The following SMARCA5 variants were observed in gnomAD, a reference collection of about 807,000 sequenced individuals.
SMARCA5 encodes the protein SNF2 related chromatin remodeling ATPase 5.
Under a neutral mutation model 140.4 loss-of-function variants are expected in SMARCA5, and 18 were observed. The observed-to-expected ratio is 0.13, with a 90% CI of 0.09 to 0.19. The LOEUF is 0.19. SMARCA5 is among the 10% of genes least tolerant of loss of function. The pLI, the probability that SMARCA5 is intolerant of heterozygous loss-of-function variation, is 1.00. For synonymous variants in SMARCA5, 449 were observed against 419.6 expected, an observed-to-expected ratio of 1.07 and a Z score of -0.86; for missense variants, 606 against 1,276.8, an observed-to-expected ratio of 0.47 and a Z score of 8.01.
At chr4:143,526,829 A>T (rs1236775254) in intron 6 of SMARCA5, among the ~76,000 whole-genome samples, 1 of 151,820 alleles carries the variant, frequency 6.6e-6, no homozygotes, top group Non-Finnish European at 1.5e-5. Context: ...GCGCCACTGC[A>T]CTCCAGCCTG....
In SMARCA5 at chr4:143,556,369, TTC is replaced by T. The variant is rs1317081855; in HGVS notation, c.*3187_*3188del. The T allele has an allele frequency of 1.3e-5, 2 of 152,262 alleles. No homozygotes were observed. Among genetic ancestry groups the T allele is most frequent in the African/African-American group, 2.4e-5 (1 of 41,560 alleles). The allele number at this position is 152,262 out of a possible 1,614,324, so 9.4% of individuals were successfully genotyped here. A position where few individuals can be genotyped will look rare whatever the true frequency, so the allele number is the denominator to read the frequency against. On this transcript the variant is annotated 3_prime_UTR_variant, in exon 24 of 24. Coordinates refer to ENST00000283131, the MANE Select transcript of SMARCA5 (RefSeq NM_003601.4). ...ACACCCCTGTGGTTTTTCAGAAAAA[TTC>T]TGAGTAAAAAATAAATTTCATCTTG...
At chr4:143,528,829 A>G in intron 8 of SMARCA5, 115 bp downstream of exon 8, 1 of 866,870 alleles carries the variant, frequency 1.2e-6, no homozygotes, top group South Asian at 2.2e-5. Flanking sequence ...TTAATTTTTT[A>G]TGCTTTTATT....
Position 143,517,362 on chromosome 4 carries a change from T to G in SMARCA5, c.185T>G (p.Phe62Cys). Residue 62 changes from phenylalanine (F) to cysteine (C), a missense_variant, in exon 2 of 24, where the codon TTT (phenylalanine) becomes TGT (cysteine). Transcript: ENST00000283131. ...ATTATTTCTTTCTACCAGGAAATAT[T>G]TGATGATGCGTCACCTGGAAAGCAA... ...GPADAEMEEI[F>C]DDASPGKQKE... The G allele has an allele frequency of 6.2e-7, 1 of 1,604,484 alleles. No individual in the cohort carries two copies. The highest frequency in any genetic ancestry group is 8.5e-7 in the Non-Finnish European group (1 of 1,175,358).
chr4:143,544,573 A>C (rs1408048159), intron 16 of SMARCA5, among the ~76,000 whole-genome samples, 164 bp from the exon 17 acceptor site: 1 of 152,194 alleles, frequency 6.6e-6, no homozygotes, highest in Non-Finnish European at 1.5e-5. Flanking sequence ...GTCTCGTGTT[A>C]ATTATATACA....
chr4:143,545,714 T>C (rs1198672973), intron 18 of SMARCA5, 131 bp downstream of exon 18: 2 of 770,748 alleles, frequency 2.6e-6, no homozygotes, highest in African/African-American at 3.5e-5. Flanking sequence ...TCTAGTTGTA[T>C]GTATGAAATA....
Position 143,543,863 on chromosome 4 carries a change from T to G in SMARCA5, c.2063T>G (p.Met688Arg). 6.2e-7 allele frequency: 1 copy of G among 1,608,420 alleles called. No individual in the cohort carries two copies. Among genetic ancestry groups the G allele is most frequent in the Non-Finnish European group, 8.5e-7 (1 of 1,178,482 alleles). The change falls in exon 16 of 24, where the codon ATG becomes AGG. Residue 688 changes from methionine to arginine, a missense_variant. Met to Arg is a moderately conservative substitution (Grantham distance 91, BLOSUM62 -1). Around this residue, in one of 10 missense-constraint regions of SMARCA5, gnomAD observed 62 missense variants for 256.6 expected, o/e 0.24. Coordinates refer to ENST00000283131, the MANE Select transcript of SMARCA5 (RefSeq NM_003601.4). The stretch of plus-strand genomic sequence containing the variant: ...TGTTTTGTTCTCTAGACTGCAGAGA[T>G]GAATGAAAAGCTCTCCAAGATGGGC... ...LERGAKKTAEMNEKLSKMGES... is the reference protein window; with the variant it reads ...LERGAKKTAERNEKLSKMGES...
At chr4:143,527,768 A>T in intron 6 of SMARCA5, 100 bp from the exon 7 acceptor site, 2 of 1,004,446 alleles carry the variant, frequency 2.0e-6, no homozygotes, top group Non-Finnish European at 2.9e-6. Flanking sequence ...ACTCCTTTTT[A>T]GTATTCCCAC....
Position 143,546,029 on chromosome 4 carries a change from A to G in SMARCA5, c.2502A>G (p.Lys834=), listed in dbSNP as rs1737516674. 6.2e-7 allele frequency: 1 copy of G among 1,602,520 alleles called. No homozygotes were observed. The highest frequency in any genetic ancestry group is 8.5e-7 in the Non-Finnish European group (1 of 1,176,236). Residue 834 remains lysine, a synonymous_variant, in exon 19 of 24, where the codon AAA becomes AAG. Coordinates refer to ENST00000283131, the MANE Select transcript of SMARCA5 (RefSeq NM_003601.4). The stretch of plus-strand genomic sequence containing the variant: ...TTAATGATGAAGAGTTAGAGGAAAA[A>G]GAGAAGCTTCTAACACAGGTATAGC... The part of the protein sequence containing the change: ...ESLNDEELEE[K]EKLLTQGFTN...
intron 4 of SMARCA5, 90 bp from the exon 5 acceptor site, chr4:143,525,361 A>C (rs28364753): frequency 1.2e-6 from 1 of 800,260 alleles, no homozygotes; most frequent in Non-Finnish European, 2.2e-6. Context: ...TAATGAAAAT[A>C]AAGTCAGTAG....
rs1737745178 is a variant in SMARCA5 at position 143,556,078 on chromosome 4, A to G, written c.*2894A>G. ...AAAAATCTAAAATCAGAAATGCTCCATAATTTGAATGCTCATTAGGGCATT... is the reference window on the plus strand; with the variant it reads ...AAAAATCTAAAATCAGAAATGCTCCGTAATTTGAATGCTCATTAGGGCATT... On this transcript the variant is annotated 3_prime_UTR_variant, in exon 24 of 24. Coordinates refer to ENST00000283131, the MANE Select transcript of SMARCA5 (RefSeq NM_003601.4). The G allele has an allele frequency of 1.3e-5, 2 of 152,244 alleles. No individual in the cohort carries two copies. Among genetic ancestry groups the G allele is most frequent in the African/African-American group, 4.8e-5 (2 of 41,468 alleles). 9.4% of individuals were successfully genotyped at this position (152,244 alleles called of 1,614,324 possible).
At chr4:143,540,299 C>A in intron 13 of SMARCA5, 64 bp from the exon 14 acceptor site, 2 of 1,300,950 alleles carry the variant, frequency 1.5e-6, no homozygotes, top group South Asian at 1.5e-5. Context: ...TCTCAGTGTA[C>A]CCATTTCAGT....
At chr4:143,523,981 T>C (rs1253836873) in intron 3 of SMARCA5, among the ~76,000 whole-genome samples, 1 of 152,150 alleles carries the variant, frequency 6.6e-6, no homozygotes, top group Non-Finnish European at 1.5e-5. Context: ...TGCTGCAGCT[T>C]TTGCTCGAAG....
rs1450726073 is a variant in SMARCA5 at position 143,557,443 on chromosome 4, A to G, written c.*4259A>G. 3 of 152,222 alleles carry G rather than the reference A, an allele frequency of 2.0e-5. No homozygotes were observed. The highest frequency in any genetic ancestry group is 7.2e-5 in the African/African-American group (3 of 41,462). 9.4% of individuals were successfully genotyped at this position (152,222 alleles called of 1,614,324 possible). ...GAATAAATTGGGAAAAGAAATAGAG[A>G]TAAGTAGAGATTATTTCACTTCATT... is the stretch of plus-strand genomic sequence containing the variant. On this transcript the variant is annotated 3_prime_UTR_variant, in exon 24 of 24. Transcript: ENST00000283131.
chr4:143,513,992 C>G lies in SMARCA5; in HGVS notation c.68C>G (p.Ser23Trp), dbSNP rs769379037. Residue 23 changes from serine (S) to tryptophan (W), a missense_variant, in exon 1 of 24, where the codon TCG becomes TGG. By Grantham distance (177) the Ser-to-Trp change is radical. Transcript: ENST00000283131. Reference protein sequence around the residue: ...PESAPSKPAASIASGGSNSSN... With the variant: ...PESAPSKPAAWIASGGSNSSN... ...AGCGCGCCTTCCAAGCCCGCAGCCTCGATCGCCAGCGGCGGGAGCAACAGC... is the reference window on the plus strand; with the variant it reads ...AGCGCGCCTTCCAAGCCCGCAGCCTGGATCGCCAGCGGCGGGAGCAACAGC... The G allele has an allele frequency of 3.8e-6, 6 of 1,564,084 alleles. No individual in the cohort carries two copies. In the Admixed American group the frequency reaches 9.1e-5, roughly 24 times the overall value.
intron 22 of SMARCA5, among the ~76,000 whole-genome samples, chr4:143,549,150 C>G (rs981305669): frequency 6.6e-6 from 1 of 151,964 alleles, no homozygotes; most frequent in Non-Finnish European, 1.5e-5. Context: ...TTAACTAGTA[C>G]AGTACCGTAA....
intron 20 of SMARCA5, 134 bp from the exon 21 acceptor site, chr4:143,547,251 G>T: frequency 1.7e-6 from 1 of 586,472 alleles, no homozygotes; most frequent in Non-Finnish European, 3.1e-6. Context: ...ACATGTGAGG[G>T]TATGCTGTGG....
At chr4:143,548,610 C>CT (rs1474041467) in intron 22 of SMARCA5, among the ~76,000 whole-genome samples, 1 of 152,002 alleles carries the variant, frequency 6.6e-6, no homozygotes, top group Non-Finnish European at 1.5e-5. Flanking sequence ...CAATATCTGA[C>CT]TAACAGTTTC....
At position 143,525,432 on chromosome 4, in the gene SMARCA5, G is replaced by GC; in HGVS notation, c.521-18dup. ...TTTCTTGTCTTAAAATGCCTATTGTGCTTTTCTTTTGTTCTTAGATGTAAA... is the reference window on the plus strand; with the variant it reads ...TTTCTTGTCTTAAAATGCCTATTGTGCCTTTTCTTTTGTTCTTAGATGTAAA... On this transcript the variant is annotated intron_variant, in intron 4 of 23. Coordinates refer to ENST00000283131, the MANE Select transcript of SMARCA5 (RefSeq NM_003601.4). The GC allele has an allele frequency of 6.7e-7, 1 of 1,486,324 alleles. No homozygotes were observed. Among genetic ancestry groups the GC allele is most frequent in the Non-Finnish European group, 9.4e-7 (1 of 1,064,104 alleles). The allele number at this position is 1,486,324 out of a possible 1,614,324, so 92.1% of individuals were successfully genotyped here. A position where few individuals can be genotyped will look rare whatever the true frequency, so the allele number is the denominator to read the frequency against.
chr4:143,513,753 G>T lies in SMARCA5; in HGVS notation c.-172G>T, dbSNP rs1736750176. ...AGAGCAGAACGTTTGGGAGTGTGCA[G>T]CTCCTGGGCCCGGCTCAGGCCCGTC... On this transcript the variant is annotated 5_prime_UTR_variant, in exon 1 of 24. Transcript: ENST00000283131. 1.5e-6 allele frequency: 1 copy of T among 683,208 alleles called. No individual in the cohort carries two copies. Among genetic ancestry groups the T allele is most frequent in the Non-Finnish European group, 2.4e-6 (1 of 415,998 alleles). 42.3% of individuals were successfully genotyped at this position (683,208 alleles called of 1,614,324 possible).
Sources: gnomAD v4.1 joint callset for allele counts (sites outside exome capture counted in the v4.1 genomes callset) on GRCh38, gnomAD v4.1.1 for gene constraint, gnomAD v4.1.1 regional missense constraint, MANE v1.5 for transcripts, NCBI Gene and HGNC (gene_info 2026-07-23, HGNC 2026-07-21) for gene names.